LAMA2: variants seen among roughly 807,000 people sequenced by gnomAD.
The protein encoded by LAMA2 is laminin subunit alpha-2.
A neutral mutation model predicts 364.8 loss-of-function variants in LAMA2; 269 were observed. The observed-to-expected ratio is 0.74, with a 90% CI of 0.67 to 0.82. The LOEUF (loss-of-function observed/expected upper bound fraction) is 0.82, where lower values mean the gene tolerates loss of function less well. Among genes scored for constraint, LAMA2 ranks in the 40% least tolerant of loss-of-function variants. LAMA2 has a pLI of 0.00. For synonymous variants in LAMA2, 1,379 were observed against 1,370.6 expected, an observed-to-expected ratio of 1.01 and a Z score of -0.14; for missense variants, 3,807 against 3,873.2, an observed-to-expected ratio of 0.98 and a Z score of 0.45.
intron 12 of LAMA2, among the ~76,000 whole-genome samples, chr6:129,217,523 A>G (rs1361087654): frequency 6.6e-6 from 1 of 152,180 alleles, no homozygotes; most frequent in Admixed American, 6.5e-5. Flanking sequence ...CTCTGTACAA[A>G]GGATATTTCT....
At chr6:128,959,601 C>T (rs182353751) in intron 1 of LAMA2, among the ~76,000 whole-genome samples, 4 of 152,266 alleles carry the variant, frequency 2.6e-5, no homozygotes, top group Admixed American at 2.0e-4. Context: ...CCCAAGATAT[C>T]TTCTGGCTAA....
In LAMA2 at chr6:129,190,332, G is replaced by A; in HGVS notation, c.1595G>A (p.Trp532Ter). Residue 532 changes from tryptophan (W) to a stop codon, truncating the protein, a stop_gained, in exon 11 of 65, where the codon TGG (tryptophan) becomes TAG (stop). Coordinates refer to ENST00000421865, the MANE Select transcript of LAMA2 (RefSeq NM_000426.4). LOFTEE classifies it high-confidence loss of function. ...GVSNRCQSSY[W>*]TYGKIQDMSG... Reference sequence around the variant, plus strand: ...TCAAACAGATGTCAGAGTTCCTACTGGACCTATGGCAAAGTAAGCAAGCAC... The same window carrying A: ...TCAAACAGATGTCAGAGTTCCTACTAGACCTATGGCAAAGTAAGCAAGCAC... 6.2e-7 allele frequency: 1 copy of A among 1,613,408 alleles called. No homozygotes were observed. The highest frequency in any genetic ancestry group is 8.5e-7 in the Non-Finnish European group (1 of 1,179,422).
chr6:129,457,562 T>C (rs894072341), intron 48 of LAMA2, among the ~76,000 whole-genome samples: 1 of 152,122 alleles, frequency 6.6e-6, no homozygotes, highest in African/African-American at 2.4e-5. Flanking sequence ...CTACCTTGCT[T>C]GCATATTGTA....
intron 29 of LAMA2, among the ~76,000 whole-genome samples, chr6:129,329,416 G>T (rs1775492548): frequency 6.6e-6 from 1 of 151,940 alleles, no homozygotes; most frequent in Non-Finnish European, 1.5e-5. Context: ...CAGGCTGGAG[G>T]GCAGTGGCGA....
At chr6:129,286,576 T>TA (rs34626007) in intron 18 of LAMA2, among the ~76,000 whole-genome samples, 59,964 of 66,964 alleles carry the variant, frequency 0.9, 26,488 homozygotes, top group African/African-American at 0.92. Flanking sequence ...TTATATTATA[T>TA]TTATATAATA....
chr6:128,981,540 C>G (rs373503481), intron 1 of LAMA2, among the ~76,000 whole-genome samples: 5 of 142,716 alleles, frequency 3.5e-5, no homozygotes, highest in African/African-American at 1.3e-4. Flanking sequence ...CTCAGGAGTT[C>G]GAGACCAGCC....
At position 129,255,437 on chromosome 6, in the gene LAMA2, C is replaced by G. The variant is rs145332196; in HGVS notation, c.2096+3142C>G. On this transcript the variant is annotated intron_variant, in intron 14 of 64. Coordinates refer to ENST00000421865, the MANE Select transcript of LAMA2 (RefSeq NM_000426.4). ...AAAAAAAAAAAAAAAAAAAAAAAAGCCTGGAATACTGATTTAGCACACAGA... is the reference window on the plus strand; with the variant it reads ...AAAAAAAAAAAAAAAAAAAAAAAAGGCTGGAATACTGATTTAGCACACAGA... Among the ~76,000 whole-genome samples, 327 of 107,024 alleles carry G rather than the reference C, an allele frequency of 3.1e-3. 4 individuals are homozygous for G. The highest frequency in any genetic ancestry group is 0.013 in the Middle Eastern group (2 of 152). The allele number at this position is 107,024 out of a possible 152,430, so 70.2% of individuals were successfully genotyped here. A position where few individuals can be genotyped will look rare whatever the true frequency, so the allele number is the denominator to read the frequency against.
intron 37 of LAMA2, among the ~76,000 whole-genome samples, chr6:129,395,924 C>T (rs1293301165): frequency 3.9e-5 from 6 of 152,182 alleles, no homozygotes; most frequent in African/African-American, 1.2e-4. Flanking sequence ...TGCATGTGAA[C>T]GACTGAAGGG....
At chr6:129,497,085 G>A (rs1312034496) in intron 58 of LAMA2, among the ~76,000 whole-genome samples, 1 of 151,758 alleles carries the variant, frequency 6.6e-6, no homozygotes, top group Admixed American at 6.6e-5. Flanking sequence ...GGCAGGTGCT[G>A]GAAAAAAAGG....
chr6:129,482,110 A>T (rs1784377430), intron 55 of LAMA2, among the ~76,000 whole-genome samples: 1 of 152,128 alleles, frequency 6.6e-6, no homozygotes, highest in South Asian at 2.1e-4. Context: ...GTTTGAAACT[A>T]GGCTAGGCAG....
At chr6:129,183,353 C>T (rs1369457643) in intron 10 of LAMA2, among the ~76,000 whole-genome samples, 1 of 152,004 alleles carries the variant, frequency 6.6e-6, no homozygotes, top group South Asian at 2.1e-4. Context: ...TAGTTAGGAA[C>T]ATGTGCTTTT....
intron 22 of LAMA2, among the ~76,000 whole-genome samples, chr6:129,308,195 G>A (rs138495866): frequency 7.7e-4 from 118 of 152,288 alleles, no homozygotes; most frequent in African/African-American, 2.8e-3. Flanking sequence ...ATGCAAGAGA[G>A]CTACATTTTT....
intron 1 of LAMA2, among the ~76,000 whole-genome samples, chr6:128,959,662 G>T (rs146970566): frequency 1.3e-5 from 2 of 152,036 alleles, no homozygotes; most frequent in African/African-American, 4.8e-5. Context: ...CCAATGAGCC[G>T]CCTCTTGTCC....
At chr6:129,200,325 C>T (rs1782171609) in intron 12 of LAMA2, among the ~76,000 whole-genome samples, 1 of 143,744 alleles carries the variant, frequency 7.0e-6, no homozygotes, top group Non-Finnish European at 1.5e-5. Flanking sequence ...TACGTGTACA[C>T]ATATACATAT....
chr6:129,443,419 C>A (rs1229942048), intron 44 of LAMA2, among the ~76,000 whole-genome samples: 1 of 151,898 alleles, frequency 6.6e-6, no homozygotes, highest in African/African-American at 2.4e-5. Flanking sequence ...TCTATCTCTA[C>A]AAAAAGGAAA....
intron 1 of LAMA2, among the ~76,000 whole-genome samples, chr6:129,049,033 T>A (rs1049567935): frequency 2.0e-5 from 3 of 152,184 alleles, no homozygotes; most frequent in Non-Finnish European, 4.4e-5. Flanking sequence ...TTATCTGTAA[T>A]TTCAAATGTA....
At chr6:129,032,738 G>A (rs1786327152) in intron 1 of LAMA2, among the ~76,000 whole-genome samples, 1 of 152,200 alleles carries the variant, frequency 6.6e-6, no homozygotes, top group African/African-American at 2.4e-5. Flanking sequence ...AAATGCTTGT[G>A]ACTTGGCCCC....
chr6:129,133,601 C>T (rs1192710722), intron 4 of LAMA2, among the ~76,000 whole-genome samples: 2 of 152,104 alleles, frequency 1.3e-5, no homozygotes, highest in African/African-American at 2.4e-5. Context: ...ATGTTAAGAA[C>T]ATTAGAAATT....
chr6:129,514,482 T>TCAAA lies in LAMA2; in HGVS notation c.9101_9104dup (p.His3035GlnfsTer5), dbSNP rs398123390. 8 of 1,613,898 alleles carry TCAAA rather than the reference T, an allele frequency of 5.0e-6. No homozygotes were observed. The highest frequency in any genetic ancestry group is 2.7e-5 in the African/African-American group (2 of 74,884). ...TGGCATAAAGTCACTGCCAACAAGA[T>TCAAA]CAAACACCGCATTGAGCTCACAGTC... On this transcript the variant is annotated frameshift_variant, in exon 64 of 65. Transcript: ENST00000421865. LOFTEE classifies it high-confidence loss of function.
Sources: gnomAD v4.1 joint callset for allele counts (sites outside exome capture counted in the v4.1 genomes callset) on GRCh38, gnomAD v4.1.1 for gene constraint, MANE v1.5 for transcripts, NCBI Gene and HGNC (gene_info 2026-07-23, HGNC 2026-07-21) for gene names.